PCDH15: variants seen among roughly 807,000 people sequenced by gnomAD.
The protein encoded by PCDH15 is protocadherin related 15, also known as protocadherin-15.
PCDH15 carries 129 observed loss-of-function variants against 178.5 expected under a neutral mutation model. The ratio of observed to expected loss-of-function variants is 0.72; its 90% confidence interval spans 0.63 to 0.84. PCDH15 has a LOEUF of 0.84. Among genes scored for constraint, PCDH15 ranks in the 40% least tolerant of loss-of-function variants. The pLI is 0.00. For synonymous variants in PCDH15, 800 were observed against 732.0 expected (o/e 1.09, Z -1.50); for missense variants, 2,230 against 2,099.9 (o/e 1.06, Z -1.21).
At chr10:55,073,876 G>A (rs755713291) in intron 2 of PCDH15, among the ~76,000 whole-genome samples, 1 of 149,996 alleles carries the variant, frequency 6.7e-6, no homozygotes, top group African/African-American at 2.5e-5. Context: ...CATCTCCCCC[G>A]ACCAGGCTTC....
intron 2 of PCDH15, among the ~76,000 whole-genome samples, chr10:55,053,855 C>A (rs1020570600): frequency 2.0e-5 from 3 of 152,138 alleles, no homozygotes; most frequent in African/African-American, 7.2e-5. Flanking sequence ...GTGAAATAAT[C>A]ATTGCTTCTC....
At chr10:55,354,940 G>A (rs1318477538) in intron 2 of PCDH15, among the ~76,000 whole-genome samples, 1 of 151,844 alleles carries the variant, frequency 6.6e-6, no homozygotes, top group African/African-American at 2.4e-5. Flanking sequence ...GGCAACCACT[G>A]GGATATTCTC....
chr10:53,823,633 T>C (rs2076469937), intron 32 of PCDH15: 2 of 509,916 alleles, frequency 3.9e-6, no homozygotes, highest in African/African-American at 2.0e-5. Context: ...TTTGTTTTTG[T>C]TTTTTTTCAG....
intron 6 of PCDH15, among the ~76,000 whole-genome samples, chr10:54,330,617 A>G (rs1212661186): frequency 2.6e-5 from 4 of 151,798 alleles, no homozygotes; most frequent in Non-Finnish European, 4.4e-5. Context: ...ACTTCTGCTC[A>G]TTAGTTAAGT....
At chr10:54,815,438 C>G (rs1268948221) in intron 3 of PCDH15, among the ~76,000 whole-genome samples, 2 of 152,044 alleles carry the variant, frequency 1.3e-5, no homozygotes, top group African/African-American at 4.8e-5. Context: ...ATATACTGTT[C>G]TACAGTCATA....
intron 8 of PCDH15, among the ~76,000 whole-genome samples, chr10:54,310,346 G>A (rs751107795): frequency 3.9e-5 from 6 of 152,030 alleles, no homozygotes; most frequent in East Asian, 1.9e-4. Context: ...ACTGGAGGCC[G>A]GATGCCGAGT....
intron 2 of PCDH15, among the ~76,000 whole-genome samples, chr10:55,604,399 TAGAC>T (rs1391768322): frequency 1.3e-5 from 2 of 151,872 alleles, no homozygotes; most frequent in Non-Finnish European, 2.9e-5. Flanking sequence ...GCGGACCTAA[TAGAC>T]AGCTACAGAA....
In PCDH15 at chr10:55,315,568, T is replaced by A. The variant is rs903612367; in HGVS notation, c.-156+4031A>T. Reference sequence around the variant, plus strand: ...TTAAATTATTTCTGTGTCTTGGTCATACTTTTTATTCCACCCTCATCACCA... The same window carrying A: ...TTAAATTATTTCTGTGTCTTGGTCAAACTTTTTATTCCACCCTCATCACCA... On this transcript the variant is annotated intron_variant, in intron 1 of 5. Transcript: ENST00000458638. Among the ~76,000 whole-genome samples the A allele has an allele frequency of 3.9e-5, 6 of 152,236 alleles. No homozygotes were observed. The South Asian group carries it at 1.2e-3, about 32-fold the overall frequency.
intron 1 of PCDH15, among the ~76,000 whole-genome samples, chr10:54,734,811 G>T (rs567642240): frequency 7.9e-5 from 12 of 151,970 alleles, no homozygotes; most frequent in African/African-American, 2.9e-4. Flanking sequence ...GATTCAAAGG[G>T]TCATGCATGA....
chr10:54,237,921 C>A (rs1427071207), intron 8 of PCDH15, among the ~76,000 whole-genome samples: 1 of 152,170 alleles, frequency 6.6e-6, no homozygotes, highest in African/African-American at 2.4e-5. Context: ...TGCATACTGA[C>A]TTTCTAAGAA....
intron 2 of PCDH15, among the ~76,000 whole-genome samples, chr10:54,623,776 A>G (rs1427589374): frequency 6.6e-6 from 1 of 152,100 alleles, no homozygotes; most frequent in Non-Finnish European, 1.5e-5. Context: ...AATTTTTATG[A>G]GCAATTCTCT....
chr10:55,135,907 T>C (rs755877527), intron 2 of PCDH15, among the ~76,000 whole-genome samples: 2 of 152,124 alleles, frequency 1.3e-5, no homozygotes, highest in Non-Finnish European at 2.9e-5. Context: ...TACCTTCTTG[T>C]TGAATTTGTA....
chr10:54,363,264 C>T (rs1946324422), intron 5 of PCDH15, among the ~76,000 whole-genome samples: 1 of 152,032 alleles, frequency 6.6e-6, no homozygotes. Flanking sequence ...ATAAAGATAA[C>T]CAGCTTCAGA....
At position 54,046,742 on chromosome 10, in the gene PCDH15, T is replaced by C. The variant is rs536770069; in HGVS notation, c.2220+20015A>G. On this transcript the variant is annotated intron_variant, in intron 18 of 37. Transcript: ENST00000644397. ...TATACCTGATTTGGACTTACATTTATGTTTACTGTATAATAATATACTAAA... is the reference window on the plus strand; with the variant it reads ...TATACCTGATTTGGACTTACATTTACGTTTACTGTATAATAATATACTAAA... Among the ~76,000 whole-genome samples, 8 of 152,306 alleles carry C rather than the reference T, an allele frequency of 5.3e-5. No homozygotes were observed. In the East Asian group the frequency reaches 1.2e-3, roughly 22 times the overall value.
At chr10:55,069,193 A>AC (rs1326700843) in intron 2 of PCDH15, among the ~76,000 whole-genome samples, 3 of 148,214 alleles carry the variant, frequency 2.0e-5, no homozygotes, top group African/African-American at 5.0e-5. Flanking sequence ...TAGCCACTGC[A>AC]CCCAGACTGT....
chr10:54,569,168 T>C (rs868723927), intron 2 of PCDH15, among the ~76,000 whole-genome samples: 2 of 151,998 alleles, frequency 1.3e-5, no homozygotes, highest in African/African-American at 4.8e-5. Context: ...AGAGTCAATA[T>C]ATACTTGGAT....
intron 1 of PCDH15, among the ~76,000 whole-genome samples, chr10:55,207,039 T>A (rs983460525): frequency 3.3e-5 from 5 of 152,152 alleles, no homozygotes; most frequent in Admixed American, 6.5e-5. Context: ...ATACGCATAA[T>A]ATTTTCTCTC....
At chr10:54,615,985 A>G (rs2093132415) in intron 2 of PCDH15, among the ~76,000 whole-genome samples, 1 of 152,100 alleles carries the variant, frequency 6.6e-6, no homozygotes, top group Non-Finnish European at 1.5e-5. Flanking sequence ...AAGGCAGTGG[A>G]CTATACTTGG....
intron 27 of PCDH15, 75 bp downstream of exon 27, chr10:53,866,567 G>A: frequency 9.1e-7 from 1 of 1,101,694 alleles, no homozygotes; most frequent in Admixed American, 1.8e-5. Flanking sequence ...AATCTTAGAA[G>A]TTCTATAAAC....
Sources: gnomAD v4.1 joint callset for allele counts (sites outside exome capture counted in the v4.1 genomes callset) on GRCh38, gnomAD v4.1.1 for gene constraint, MANE v1.5 for transcripts, NCBI Gene and HGNC (gene_info 2026-07-23, HGNC 2026-07-21) for gene names.